VIT: variants seen among roughly 807,000 people sequenced by gnomAD.
VIT encodes vitrin.
Under a neutral mutation model 78.0 loss-of-function variants are expected in VIT, and 99 were observed. The ratio of observed to expected loss-of-function variants is 1.27; its 90% CI spans 1.08 to 1.50. The LOEUF is 1.50. Among genes scored for constraint, VIT ranks in the 40% most tolerant of loss-of-function variants. The pLI, the probability that VIT is intolerant of heterozygous loss-of-function variation, is 0.00. For synonymous variants in VIT, 374 were observed against 334.3 expected (o/e 1.12, Z -1.29); for missense variants, 1,126 against 875.3 (o/e 1.29, Z -3.61).
intron 1 of VIT, among the ~76,000 whole-genome samples, chr2:36,715,202 C>G (rs939755132): frequency 3.3e-5 from 5 of 152,200 alleles, no homozygotes; most frequent in Admixed American, 6.5e-5. Flanking sequence ...GGATTAGAAC[C>G]TGCACTTCAA....
intron 12 of VIT, among the ~76,000 whole-genome samples, chr2:36,797,974 T>C (rs949691744): frequency 1.3e-5 from 2 of 151,744 alleles, no homozygotes; most frequent in Non-Finnish European, 2.9e-5. Context: ...GTGGGCACGA[T>C]TGGGGCTTTC....
At chr2:36,808,335 G>A in intron 14 of VIT, 137 bp from the exon 15 acceptor site, 2 of 1,245,818 alleles carry the variant, frequency 1.6e-6, no homozygotes, top group East Asian at 2.6e-5. Context: ...AACCGAGATG[G>A]AAGAACACGG....
intron 1 of VIT, among the ~76,000 whole-genome samples, chr2:36,711,427 G>T (rs974313479): frequency 2.0e-5 from 3 of 152,122 alleles, no homozygotes; most frequent in Non-Finnish European, 4.4e-5. Flanking sequence ...GATTGTCTTA[G>T]ACACAAGGGG....
intron 14 of VIT, 86 bp downstream of exon 14, chr2:36,805,750 C>T: frequency 7.1e-7 from 1 of 1,405,410 alleles, no homozygotes; most frequent in Non-Finnish European, 9.7e-7. Context: ...TTTTCCCATG[C>T]CTTTAAATGT....
Position 36,814,390 on chromosome 2 carries a change from G to A in VIT, c.*29G>A. 1 of 1,611,400 alleles carries A rather than the reference G, an allele frequency of 6.2e-7. No homozygotes were observed. Among genetic ancestry groups the A allele is most frequent in the Non-Finnish European group, 8.5e-7 (1 of 1,178,470 alleles). The stretch of plus-strand genomic sequence containing the variant: ...CAGAGCAGGCAGAGCACCAGCAAGT[G>A]CTGCTTTACTAACTGACGTGTTGGA... On this transcript the variant is annotated 3_prime_UTR_variant, in exon 16 of 16. Transcript: ENST00000379242.
intron 6 of VIT, 150 bp from the exon 7 acceptor site, chr2:36,766,944 A>G (rs1314377855): frequency 1.2e-6 from 1 of 801,000 alleles, no homozygotes; most frequent in African/African-American, 1.8e-5. Flanking sequence ...TCAGGCAAGA[A>G]TGTGGCTGTT....
chr2:36,778,315 T>C (rs1049663514), intron 9 of VIT, among the ~76,000 whole-genome samples: 1 of 152,162 alleles, frequency 6.6e-6, no homozygotes, highest in Non-Finnish European at 1.5e-5. Context: ...TGCCAGCCTT[T>C]ACCCCTCCTA....
chr2:36,793,954 A>C (rs549040304), intron 12 of VIT, among the ~76,000 whole-genome samples: 12 of 152,244 alleles, frequency 7.9e-5, no homozygotes, highest in Admixed American at 2.6e-4. Context: ...TCCGAGCCCC[A>C]TGGATTTTCT....
chr2:36,785,351 G>A (rs970033658), intron 11 of VIT, among the ~76,000 whole-genome samples: 18 of 152,052 alleles, frequency 1.2e-4, no homozygotes, highest in African/African-American at 4.4e-4. Context: ...GGCAAACCCT[G>A]AAGAACTCCA....
intron 6 of VIT, among the ~76,000 whole-genome samples, chr2:36,760,935 A>C (rs1331653105): frequency 6.6e-6 from 1 of 152,058 alleles, no homozygotes; most frequent in African/African-American, 2.4e-5. Context: ...CCCTGCTGGC[A>C]TGAGCCACTC....
chr2:36,749,026 T>G (rs147651494), intron 4 of VIT, among the ~76,000 whole-genome samples: 1 of 152,314 alleles, frequency 6.6e-6, no homozygotes, highest in East Asian at 1.9e-4. Context: ...TTGGAAGTCA[T>G]GCATGGTCCT....
chr2:36,723,981 G>C (rs575481110), intron 2 of VIT, among the ~76,000 whole-genome samples: 2 of 145,790 alleles, frequency 1.4e-5, no homozygotes, highest in African/African-American at 2.5e-5. Context: ...GGGAGGGGAG[G>C]GGGGGGATTA....
In VIT at chr2:36,786,614, G is replaced by A. The variant is rs558111380; in HGVS notation, c.911-515G>A. On this transcript the variant is annotated intron_variant, in intron 11 of 15. Transcript: ENST00000379242. Reference sequence around the variant, plus strand: ...TGTAGATAATTTCTTTGGTTCCCTCGCCCAGGGAAATGAAGGAGAAGATTG... The same window carrying A: ...TGTAGATAATTTCTTTGGTTCCCTCACCCAGGGAAATGAAGGAGAAGATTG... Among the ~76,000 whole-genome samples the A allele has an allele frequency of 1.1e-4, 16 of 152,260 alleles. No homozygotes were observed. The South Asian group carries it at 2.3e-3, about 22-fold the overall frequency.
intron 11 of VIT, among the ~76,000 whole-genome samples, chr2:36,783,736 G>A (rs1421987796): frequency 2.0e-5 from 3 of 152,122 alleles, no homozygotes; most frequent in Non-Finnish European, 4.4e-5. Context: ...GCCAGAACTC[G>A]GAGTTGGAAG....
rs550231530 is a variant in VIT, at chr2:36,801,421, C to T, written c.1162+17C>T. 3.8e-6 allele frequency: 6 copies of T among 1,568,064 alleles called. No individual in the cohort carries two copies. In the African/African-American group the frequency reaches 8.1e-5, roughly 21 times the overall value. ...CTAATGTAGGTATGTGATCCGGATT[C>T]AAATTATACTATCTTGCTACCATCG... On this transcript the variant is annotated intron_variant, in intron 13 of 15. Coordinates refer to ENST00000379242, the MANE Select transcript of VIT (RefSeq NM_053276.4).
intron 3 of VIT, among the ~76,000 whole-genome samples, chr2:36,730,941 G>A (rs1240754904): frequency 6.6e-6 from 1 of 152,214 alleles, no homozygotes; most frequent in Non-Finnish European, 1.5e-5. Flanking sequence ...AGGTGGGCAT[G>A]ACAGTGTAGA....
intron 6 of VIT, among the ~76,000 whole-genome samples, chr2:36,764,547 G>T (rs1451548252): frequency 6.6e-6 from 1 of 152,232 alleles, no homozygotes; most frequent in Non-Finnish European, 1.5e-5. Context: ...GAGCTCTTTA[G>T]TGATTTGTCT....
chr2:36,734,911 C>G (rs1183606215), intron 3 of VIT, among the ~76,000 whole-genome samples: 1 of 152,154 alleles, frequency 6.6e-6, no homozygotes, highest in Admixed American at 6.5e-5. Context: ...CGCCTATAAT[C>G]CCAGCACTTT....
intron 12 of VIT, among the ~76,000 whole-genome samples, chr2:36,789,619 T>C: frequency 6.6e-6 from 1 of 152,168 alleles, no homozygotes; most frequent in East Asian, 1.9e-4. Flanking sequence ...CTTCCTCTCC[T>C]GGATGGTCCC....
Sources: gnomAD v4.1 joint callset for allele counts (sites outside exome capture counted in the v4.1 genomes callset) on GRCh38, gnomAD v4.1.1 for gene constraint, MANE v1.5 for transcripts, NCBI Gene and HGNC (gene_info 2026-07-23, HGNC 2026-07-21) for gene names.